Variants in XKR4 observed in about 807,000 individuals in gnomAD.
XKR4 encodes the protein XK related 4, also known as XK-related protein 4.
XKR4 carries 12 observed loss-of-function variants against 53.9 expected under a neutral mutation model. That is an observed-to-expected ratio of 0.22 (90% confidence interval 0.14 to 0.36). XKR4 has a LOEUF of 0.36. Ranked by LOEUF, XKR4 falls within the 10% of genes least tolerant of loss-of-function variation. The pLI is 1.00. For missense variants in XKR4, 799 were observed against 859.5 expected (o/e 0.93, Z 0.88); for synonymous variants, 354 against 362.4 (o/e 0.98, Z 0.26).
chr8:55,335,229 A>G (rs1803442985), intron 1 of XKR4, among the ~76,000 whole-genome samples: 1 of 152,224 alleles, frequency 6.6e-6, no homozygotes, highest in Non-Finnish European at 1.5e-5. Context: ...GCAGAAATCT[A>G]AATTCACTAA....
At chr8:55,236,758 C>T (rs1432132315) in intron 1 of XKR4, among the ~76,000 whole-genome samples, 1 of 152,124 alleles carries the variant, frequency 6.6e-6, no homozygotes, top group East Asian at 1.9e-4. Context: ...TTCCCCACAT[C>T]TCACCTGAAA....
intron 1 of XKR4, among the ~76,000 whole-genome samples, chr8:55,280,684 A>G (rs558324746): frequency 1.9e-4 from 29 of 152,354 alleles, no homozygotes; most frequent in Admixed American, 3.3e-4. Context: ...TTAAACTAAT[A>G]GGATATATGG....
At chr8:55,301,612 G>A (rs1261602575) in intron 1 of XKR4, among the ~76,000 whole-genome samples, 6 of 152,168 alleles carry the variant, frequency 3.9e-5, no homozygotes, top group Admixed American at 2.6e-4. Flanking sequence ...AGTCCCAGCA[G>A]CAGTGTAAAA....
rs151305696 is a variant in XKR4 at position 55,399,501 on chromosome 8, T to G, written c.1006+41624T>G. ...TTTCTACCTGATTTTATTAAACCTT[T>G]CTTGCTGTTTCTCTCTGTCATTTAA... On this transcript the variant is annotated intron_variant, in intron 2 of 2. Transcript: ENST00000327381. Among the ~76,000 whole-genome samples, 395 of 152,322 alleles carry G rather than the reference T, an allele frequency of 2.6e-3. 4 individuals are homozygous for G. The highest frequency in any genetic ancestry group is 8.8e-3 in the African/African-American group (367 of 41,560).
intron 1 of XKR4, among the ~76,000 whole-genome samples, chr8:55,311,447 C>T (rs1334200063): frequency 6.6e-6 from 1 of 152,116 alleles, no homozygotes; most frequent in Non-Finnish European, 1.5e-5. Context: ...GCATGATACT[C>T]AAGGAATTAA....
At position 55,474,871 on chromosome 8, in the gene XKR4, T is replaced by C. The variant is rs185295412; in HGVS notation, c.1007-48410T>C. ...CAGAGTGTTCTTCTAAAACTGAATG[T>C]TTGTATGCAGAAAACCAGTCTGTTA... On this transcript the variant is annotated intron_variant, in intron 2 of 2. Transcript: ENST00000327381. 3.9e-5 allele frequency among the ~76,000 whole-genome samples: 6 copies of C among 152,232 alleles called. 1 individual carries two copies. Among genetic ancestry groups the C allele is most frequent in the Admixed American group, 3.9e-4 (6 of 15,296 alleles).
chr8:55,369,817 CTTTTT>C lies in XKR4; in HGVS notation c.1006+11941_1006+11945del, dbSNP rs1298744424. On this transcript the variant is annotated intron_variant, in intron 2 of 2. Transcript: ENST00000327381. ...ATACCAATATATGGATTATCCTTTT[CTTTTT>C]GAGTCATTTTCTACTTCTGAAACCA... is the stretch of plus-strand genomic sequence containing the variant. Among the ~76,000 whole-genome samples, 3 of 152,050 alleles carry C rather than the reference CTTTTT, an allele frequency of 2.0e-5. No homozygotes were observed. In the East Asian group the frequency reaches 5.8e-4, roughly 29 times the overall value.
intron 1 of XKR4, among the ~76,000 whole-genome samples, chr8:55,256,591 T>C (rs889077805): frequency 1.3e-5 from 2 of 152,114 alleles, no homozygotes; most frequent in Non-Finnish European, 2.9e-5. Flanking sequence ...CATGACTAGA[T>C]GTAAGGGTAT....
At chr8:55,510,812 G>A (rs1462677929) in intron 2 of XKR4, among the ~76,000 whole-genome samples, 1 of 152,192 alleles carries the variant, frequency 6.6e-6, no homozygotes, top group Non-Finnish European at 1.5e-5. Flanking sequence ...GCATGTAAAG[G>A]AGCATGCCAA....
intron 2 of XKR4, among the ~76,000 whole-genome samples, chr8:55,415,963 A>G (rs1428125408): frequency 3.3e-5 from 5 of 152,164 alleles, no homozygotes; most frequent in Non-Finnish European, 7.3e-5. Flanking sequence ...TCACCTGGTG[A>G]CTCAGAGGAA....
At chr8:55,522,855 C>T (rs1362866542) in intron 2 of XKR4, among the ~76,000 whole-genome samples, 1 of 152,206 alleles carries the variant, frequency 6.6e-6, no homozygotes, top group Non-Finnish European at 1.5e-5. Flanking sequence ...GTTTGAGTAG[C>T]ATTCCTATTA....
At chr8:55,445,088 C>T (rs1345922279) in intron 2 of XKR4, among the ~76,000 whole-genome samples, 2 of 152,082 alleles carry the variant, frequency 1.3e-5, no homozygotes, top group Non-Finnish European at 2.9e-5. Flanking sequence ...AACAGAGTCT[C>T]CCTCTGTCGC....
chr8:55,434,816 G>GTGTGAT (rs1415264277), intron 2 of XKR4, among the ~76,000 whole-genome samples: 6 of 152,146 alleles, frequency 3.9e-5, no homozygotes, highest in Non-Finnish European at 1.5e-5. Flanking sequence ...CAGTTACACT[G>GTGTGAT]TGCCTGCTGA....
At chr8:55,367,892 C>G (rs911818850) in intron 2 of XKR4, among the ~76,000 whole-genome samples, 1 of 152,172 alleles carries the variant, frequency 6.6e-6, no homozygotes, top group Non-Finnish European at 1.5e-5. Flanking sequence ...CTGGTACCCC[C>G]CTTCACCTTT....
chr8:55,208,805 C>T (rs753961441), intron 1 of XKR4, among the ~76,000 whole-genome samples: 5 of 152,192 alleles, frequency 3.3e-5, no homozygotes, highest in South Asian at 2.1e-4. Context: ...AAAACCCTAC[C>T]GTGTGGACCC....
At chr8:55,299,707 G>A (rs979930626) in intron 1 of XKR4, among the ~76,000 whole-genome samples, 1 of 152,112 alleles carries the variant, frequency 6.6e-6, no homozygotes, top group African/African-American at 2.4e-5. Flanking sequence ...AGAACAGGAA[G>A]GGCCAGGGTG....
intron 2 of XKR4, among the ~76,000 whole-genome samples, chr8:55,439,237 C>G (rs755700834): frequency 3.9e-5 from 6 of 152,166 alleles, no homozygotes; most frequent in Non-Finnish European, 7.4e-5. Context: ...AAGCACTCAT[C>G]AGAAGCAAAC....
chr8:55,247,106 G>T (rs1037512340), intron 1 of XKR4, among the ~76,000 whole-genome samples: 2 of 152,176 alleles, frequency 1.3e-5, no homozygotes, highest in African/African-American at 4.8e-5. Flanking sequence ...TCTTCCTCAT[G>T]TTCCAATATT....
At chr8:55,347,094 A>G (rs1255216072) in intron 1 of XKR4, among the ~76,000 whole-genome samples, 1 of 152,198 alleles carries the variant, frequency 6.6e-6, no homozygotes, top group African/African-American at 2.4e-5. Flanking sequence ...TGTAAGGATT[A>G]TGTCAATTAT....
Sources: allele counts gnomAD v4.1 joint callset (sites outside exome capture counted in the v4.1 genomes callset), GRCh38; gene constraint gnomAD v4.1.1; transcripts MANE v1.5; gene names NCBI Gene and HGNC (gene_info 2026-07-23, HGNC 2026-07-21).